Variants in RARB observed in about 807,000 individuals in gnomAD.
RARB encodes HBV-activated protein.
RARB carries 17 observed loss-of-function variants against 51.9 expected under a neutral mutation model. The observed-to-expected ratio is 0.33, with a 90% CI of 0.22 to 0.49. The LOEUF (loss-of-function observed/expected upper bound fraction) is 0.49. RARB is among the 20% of genes least tolerant of loss of function. RARB has a pLI of 0.99. For synonymous variants in RARB, 215 were observed against 195.4 expected, an observed-to-expected ratio of 1.10 and a Z score of -0.84; for missense variants, 369 against 550.8, an observed-to-expected ratio of 0.67 and a Z score of 3.30.
chr3:25,002,998 A>G (rs1697199223), intron 2 of RARB, among the ~76,000 whole-genome samples: 1 of 152,222 alleles, frequency 6.6e-6, no homozygotes, highest in Non-Finnish European at 1.5e-5. Flanking sequence ...TGGCCATGTA[A>G]AATTATTTGA....
intron 3 of RARB, among the ~76,000 whole-genome samples, chr3:25,543,757 G>T (rs546751836): frequency 6.6e-6 from 1 of 152,168 alleles, no homozygotes; most frequent in African/African-American, 2.4e-5. Flanking sequence ...AGAGCAGTCA[G>T]CTCCCCACAG....
intron 2 of RARB, among the ~76,000 whole-genome samples, chr3:24,917,602 C>T (rs989187761): frequency 6.6e-6 from 1 of 152,224 alleles, no homozygotes; most frequent in Non-Finnish European, 1.5e-5. Flanking sequence ...GCGATCTCTG[C>T]TCACTGCAAC....
At chr3:25,164,267 C>T (rs1246410254) in intron 4 of RARB, among the ~76,000 whole-genome samples, 1 of 152,170 alleles carries the variant, frequency 6.6e-6, no homozygotes, top group African/African-American at 2.4e-5. Flanking sequence ...AAATATCACC[C>T]ATAGCCCACT....
intron 2 of RARB, among the ~76,000 whole-genome samples, chr3:25,030,045 T>C (rs1196847468): frequency 6.6e-6 from 1 of 152,218 alleles, no homozygotes; most frequent in Admixed American, 6.5e-5. Flanking sequence ...GAGACAGATA[T>C]CTCATGCCAT....
Position 25,364,645 on chromosome 3 carries a change from T to C in RARB, c.179-96548T>C, listed in dbSNP as rs565824783. On this transcript the variant is annotated intron_variant, in intron 5 of 11. Coordinates refer to the RARB transcript ENST00000383772. Reference sequence around the variant, plus strand: ...GTAAGAGAGCAATGGAAGACTTGTTTGGGCTGTATCGGAGAGGGCCTTGAA... The same window carrying C: ...GTAAGAGAGCAATGGAAGACTTGTTCGGGCTGTATCGGAGAGGGCCTTGAA... Among the ~76,000 whole-genome samples the C allele has an allele frequency of 1.4e-4, 22 of 152,340 alleles. No individual in the cohort carries two copies. In the South Asian group the frequency reaches 4.6e-3, roughly 32 times the overall value.
chr3:25,212,804 C>G (rs1701730744), intron 5 of RARB, among the ~76,000 whole-genome samples: 1 of 152,092 alleles, frequency 6.6e-6, no homozygotes, highest in South Asian at 2.1e-4. Context: ...TGATTGTTAG[C>G]TTGAACTCCA....
At chr3:25,168,218 G>C (rs964737394) in intron 4 of RARB, among the ~76,000 whole-genome samples, 4 of 151,656 alleles carry the variant, frequency 2.6e-5, no homozygotes, top group Non-Finnish European at 5.9e-5. Context: ...TCTTTTTTTT[G>C]TCTTTTTCTT....
intron 4 of RARB, among the ~76,000 whole-genome samples, chr3:25,132,505 G>T (rs767851120): frequency 6.6e-6 from 1 of 151,806 alleles, no homozygotes; most frequent in African/African-American, 2.4e-5. Context: ...CTTATTATAT[G>T]CTAGGCATTG....
At chr3:25,148,988 G>C (rs1446191964) in intron 4 of RARB, among the ~76,000 whole-genome samples, 1 of 152,068 alleles carries the variant, frequency 6.6e-6, no homozygotes, top group Non-Finnish European at 1.5e-5. Context: ...AAAAATATGA[G>C]ATAAGTAAAG....
At chr3:25,014,185 G>A (rs61623493) in intron 2 of RARB, among the ~76,000 whole-genome samples, 3,786 of 152,076 alleles carry the variant, frequency 0.025, 118 homozygotes, top group East Asian at 0.15. Context: ...ACTTTCGCAT[G>A]CCTTTTTGCA....
At chr3:25,031,806 T>C (rs1697881903) in intron 2 of RARB, among the ~76,000 whole-genome samples, 1 of 152,228 alleles carries the variant, frequency 6.6e-6, no homozygotes, top group Non-Finnish European at 1.5e-5. Context: ...CATATCTTCA[T>C]ATACTTATCC....
chr3:25,314,283 T>C (rs1263610510), intron 5 of RARB, among the ~76,000 whole-genome samples: 1 of 152,214 alleles, frequency 6.6e-6, no homozygotes, highest in Non-Finnish European at 1.5e-5. Flanking sequence ...AACAGTTTTC[T>C]ATAGGAAAAG....
At chr3:24,840,397 C>G (rs1702404780) in intron 1 of RARB, among the ~76,000 whole-genome samples, 2 of 152,124 alleles carry the variant, frequency 1.3e-5, no homozygotes, top group African/African-American at 4.8e-5. Context: ...GTCTATTGCC[C>G]CCTTAGCTGA....
intron 3 of RARB, among the ~76,000 whole-genome samples, chr3:25,525,989 T>C (rs995309862): frequency 2.0e-5 from 3 of 152,192 alleles, no homozygotes; most frequent in Non-Finnish European, 4.4e-5. Flanking sequence ...CTCTTGGCGT[T>C]TTCATTTATA....
chr3:25,100,642 G>A (rs1699382521), intron 3 of RARB, among the ~76,000 whole-genome samples: 1 of 152,180 alleles, frequency 6.6e-6, no homozygotes, highest in Non-Finnish European at 1.5e-5. Context: ...ATCTGATAAT[G>A]AGAGATAACT....
chr3:24,979,821 G>T (rs1335952144), intron 2 of RARB, among the ~76,000 whole-genome samples: 1 of 152,106 alleles, frequency 6.6e-6, no homozygotes, highest in African/African-American at 2.4e-5. Flanking sequence ...TCATTACGAT[G>T]CTAGTTGGTT....
rs149657040 is a variant in RARB, at chr3:25,197,802, T to C, written c.178+23227T>C. Among the ~76,000 whole-genome samples, 325 of 152,176 alleles carry C rather than the reference T, an allele frequency of 2.1e-3. 2 individuals are homozygous for C. The highest frequency in any genetic ancestry group is 7.4e-3 in the African/African-American group (308 of 41,564). ...GAAGACACAAAAAAATGGAAAGATA[T>C]TCCATGTTCATGGAATGTTTTAAAA... On this transcript the variant is annotated intron_variant, in intron 5 of 11. Transcript: ENST00000383772.
intron 4 of RARB, among the ~76,000 whole-genome samples, chr3:25,147,345 A>G (rs1040922633): frequency 6.6e-6 from 1 of 152,068 alleles, no homozygotes; most frequent in Non-Finnish European, 1.5e-5. Context: ...CTGTGAGTTC[A>G]TCCATGTCAG....
chr3:24,940,476 A>G (rs1038547451), intron 2 of RARB, among the ~76,000 whole-genome samples: 44 of 152,204 alleles, frequency 2.9e-4, no homozygotes, highest in African/African-American at 9.4e-4. Context: ...AGGATTTCAT[A>G]CCATTTTAGT....
Sources: allele counts gnomAD v4.1 joint callset (sites outside exome capture counted in the v4.1 genomes callset), GRCh38; gene constraint gnomAD v4.1.1; transcripts MANE v1.5; gene names NCBI Gene and HGNC (gene_info 2026-07-23, HGNC 2026-07-21).